Variants in KLHL29 observed in about 807,000 individuals in gnomAD.
KLHL29 encodes kelch like family member 29.
KLHL29 carries 21 observed loss-of-function variants against 80.4 expected under a neutral mutation model. The ratio of observed to expected loss-of-function variants is 0.26; its 90% confidence interval spans 0.19 to 0.38. The LOEUF is 0.38. KLHL29 is among the 10% of genes least tolerant of loss of function. KLHL29 has a pLI of 1.00. For synonymous variants in KLHL29, 511 were observed against 526.8 expected, an observed-to-expected ratio of 0.97 and a Z score of 0.41; for missense variants, 867 against 1,223.9, an observed-to-expected ratio of 0.71 and a Z score of 4.35.
intron 2 of KLHL29, among the ~76,000 whole-genome samples, chr2:23,559,114 G>A (rs1304968782): frequency 6.6e-6 from 1 of 152,180 alleles, no homozygotes; most frequent in African/African-American, 2.4e-5. Context: ...GGCTGTAGCC[G>A]GGGGAGGGTC....
At chr2:23,426,567 C>T (rs930505498) in intron 1 of KLHL29, among the ~76,000 whole-genome samples, 1 of 152,232 alleles carries the variant, frequency 6.6e-6, no homozygotes, top group Non-Finnish European at 1.5e-5. Flanking sequence ...ACACCCTCCC[C>T]GCTGCTGCAA....
intron 1 of KLHL29, among the ~76,000 whole-genome samples, chr2:23,433,921 A>G (rs1663258157): frequency 6.6e-6 from 1 of 151,986 alleles, no homozygotes; most frequent in African/African-American, 2.4e-5. Flanking sequence ...CATGTCTCTA[A>G]GAGAAAAAAT....
intron 1 of KLHL29, among the ~76,000 whole-genome samples, chr2:23,451,008 C>A (rs1315738924): frequency 6.6e-6 from 1 of 152,186 alleles, no homozygotes; most frequent in Non-Finnish European, 1.5e-5. Context: ...TTTCCCTGTT[C>A]TGGACAGTGG....
Position 23,639,248 on chromosome 2 carries a change from C to A in KLHL29, c.395C>A (p.Pro132His). 1 of 1,548,538 alleles carries A rather than the reference C, an allele frequency of 6.5e-7. No homozygotes were observed. Among genetic ancestry groups the A allele is most frequent in the East Asian group, 2.5e-5 (1 of 40,762 alleles). ...QSTPWDTDEP[P>H]SKQMRESDNP... ...ACACCCTGGGACACTGATGAGCCAC[C>A]CTCCAAACAGATGAGAGAGAGTGAC... Residue 132 changes from proline (P) to histidine (H), a missense_variant, in exon 4 of 14, where the codon CCC becomes CAC. By Grantham distance (77) the Pro-to-His change is moderately conservative. Coordinates refer to ENST00000486442, the MANE Select transcript of KLHL29 (RefSeq NM_052920.2).
At chr2:23,399,142 C>T (rs1666528334) in intron 1 of KLHL29, among the ~76,000 whole-genome samples, 1 of 152,222 alleles carries the variant, frequency 6.6e-6, no homozygotes, top group Non-Finnish European at 1.5e-5. Context: ...TTTATCTTCA[C>T]CACTCAGCCA....
chr2:23,598,989 G>A lies in KLHL29; in HGVS notation c.285+36508G>A, dbSNP rs116463884. Among the ~76,000 whole-genome samples the A allele has an allele frequency of 4.9e-3, 747 of 152,344 alleles. 6 individuals carry two copies. The highest frequency in any genetic ancestry group is 0.017 in the African/African-American group (709 of 41,584). ...TGCCATCGCCCAGCCCAGCTTGCAT[G>A]AAACAAGGGCCATGGGAAACTCCAA... On this transcript the variant is annotated intron_variant, in intron 3 of 13. Transcript: ENST00000486442.
At chr2:23,551,700 G>T (rs1456566382) in intron 2 of KLHL29, among the ~76,000 whole-genome samples, 1 of 152,196 alleles carries the variant, frequency 6.6e-6, no homozygotes, top group African/African-American at 2.4e-5. Context: ...CCGAATCCAG[G>T]CCTGCTAACT....
At position 23,680,140 on chromosome 2, in the gene KLHL29, G is replaced by A. The variant is rs1347284236; in HGVS notation, c.941-4259G>A. Among the ~76,000 whole-genome samples the A allele has an allele frequency of 6.6e-6, 1 of 152,180 alleles. No homozygotes were observed. The highest frequency in any genetic ancestry group is 2.4e-5 in the African/African-American group (1 of 41,438). On this transcript the variant is annotated intron_variant, in intron 5 of 13. Coordinates refer to ENST00000486442, the MANE Select transcript of KLHL29 (RefSeq NM_052920.2). The surrounding 1 kb of genome is among the most constrained non-coding windows in gnomAD (Gnocchi z 4.1). ...GGAGACATCCTCAGAGGCTGTTGCA[G>A]TGACTCAAGTGAAAGATGAGGGCAG...
intron 2 of KLHL29, among the ~76,000 whole-genome samples, chr2:23,543,730 G>A (rs573173067): frequency 2.0e-5 from 3 of 152,210 alleles, no homozygotes; most frequent in Non-Finnish European, 2.9e-5. Flanking sequence ...AGGCCTCCTC[G>A]GGAGCAGTTG....
chr2:23,673,993 C>G (rs1670855209), intron 5 of KLHL29, among the ~76,000 whole-genome samples: 1 of 152,234 alleles, frequency 6.6e-6, no homozygotes. Flanking sequence ...ACACCTCAGC[C>G]TGTGTTCACA....
At position 23,706,932 on chromosome 2, in the gene KLHL29, G is replaced by A. The variant is rs192816924; in HGVS notation, c.*268G>A. 7.5e-4 allele frequency: 260 copies of A among 346,086 alleles called. 3 individuals are homozygous for A. The South Asian group carries it at 0.011, about 14-fold the overall frequency. The allele number at this position is 346,086 out of a possible 1,614,324, so 21.4% of individuals were successfully genotyped here. On this transcript the variant is annotated 3_prime_UTR_variant, in exon 14 of 14. Transcript: ENST00000486442. ...TGAACAGGGGCGCTCGCTCTGCCAG[G>A]TGCAATAGAGTTTCACGTATTTTTC... is the stretch of plus-strand genomic sequence containing the variant.
intron 1 of KLHL29, among the ~76,000 whole-genome samples, chr2:23,450,328 A>G (rs1663839581): frequency 6.6e-6 from 1 of 152,180 alleles, no homozygotes; most frequent in African/African-American, 2.4e-5. Context: ...GTGAAGGGTC[A>G]GGGTTGTTTT....
At chr2:23,561,524 C>T (rs1011102580) in intron 2 of KLHL29, among the ~76,000 whole-genome samples, 1 of 152,108 alleles carries the variant, frequency 6.6e-6, no homozygotes, top group African/African-American at 2.4e-5. Flanking sequence ...ACACCCTTTG[C>T]GACTTGAGTT....
chr2:23,635,056 G>T (rs1224552854), intron 3 of KLHL29, among the ~76,000 whole-genome samples: 1 of 152,216 alleles, frequency 6.6e-6, no homozygotes, highest in Non-Finnish European at 1.5e-5. Flanking sequence ...AGCAAGGCCT[G>T]GGAGGACCCC....
chr2:23,541,771 AC>A (rs1358268551), intron 2 of KLHL29, among the ~76,000 whole-genome samples: 33 of 149,098 alleles, frequency 2.2e-4, no homozygotes, highest in African/African-American at 3.8e-4. Context: ...AACCCAAAAA[AC>A]AAAAAAAAAA....
Position 23,706,705 on chromosome 2 carries a change from G to C in KLHL29, c.*41G>C, listed in dbSNP as rs114131023. 7.2e-7 allele frequency: 1 copy of C among 1,393,140 alleles called. No homozygotes were observed. Among genetic ancestry groups the C allele is most frequent in the African/African-American group, 1.5e-5 (1 of 68,604 alleles). The allele number at this position is 1,393,140 out of a possible 1,614,324, so 86.3% of individuals were successfully genotyped here. ...CACGATAAGACTGTGGACAAGTCTG[G>C]TGAGGCAAGTGCCACGCAATGATAA... On this transcript the variant is annotated 3_prime_UTR_variant, in exon 14 of 14. Transcript: ENST00000486442.
intron 2 of KLHL29, among the ~76,000 whole-genome samples, chr2:23,554,983 G>A (rs1667246797): frequency 6.6e-6 from 1 of 152,162 alleles, no homozygotes; most frequent in Non-Finnish European, 1.5e-5. Context: ...CAGGCCCCAG[G>A]TAGCCCAAGC....
chr2:23,424,375 G>A (rs908400824), intron 1 of KLHL29, among the ~76,000 whole-genome samples: 7 of 151,802 alleles, frequency 4.6e-5, no homozygotes, highest in Admixed American at 1.3e-4. Flanking sequence ...TCACCATTTG[G>A]TTTATCTCCT....
intron 5 of KLHL29, among the ~76,000 whole-genome samples, chr2:23,648,200 C>T (rs1192772840): frequency 6.6e-6 from 1 of 152,148 alleles, no homozygotes; most frequent in Non-Finnish European, 1.5e-5. Context: ...ATATCCTGCC[C>T]CAGACCATAC....
Sources: allele counts gnomAD v4.1 joint callset (sites outside exome capture counted in the v4.1 genomes callset), GRCh38; gene constraint gnomAD v4.1.1; non-coding constraint Gnocchi (gnomAD v3.1); transcripts MANE v1.5; gene names NCBI Gene and HGNC (gene_info 2026-07-23, HGNC 2026-07-21).